The following PPM1H variants were observed in gnomAD, a reference collection of about 807,000 sequenced individuals.
PPM1H encodes the protein protein phosphatase 1H.
A neutral mutation model predicts 54.9 loss-of-function variants in PPM1H; 27 were observed. That is an observed-to-expected ratio of 0.49 (90% CI 0.36 to 0.68). PPM1H has a LOEUF of 0.68. Among genes scored for constraint, PPM1H ranks in the 30% least tolerant of loss-of-function variants. PPM1H has a pLI of 0.00. For missense variants in PPM1H, 596 were observed against 667.8 expected (o/e 0.89, Z 1.19); for synonymous variants, 305 against 270.8 (o/e 1.13, Z -1.24).
intron 9 of PPM1H, among the ~76,000 whole-genome samples, chr12:62,665,793 G>A (rs1565749480): frequency 6.6e-6 from 1 of 152,146 alleles, no homozygotes; most frequent in African/African-American, 2.4e-5. Flanking sequence ...CTGGAGTGCA[G>A]TGGTGTGATC....
chr12:62,838,920 CAAAAAAAAAAAAA>C lies in PPM1H; in HGVS notation c.246-6654_246-6642del, dbSNP rs71278269. On this transcript the variant is annotated intron_variant, in intron 1 of 9. Transcript: ENST00000228705. ...TGGGCGACAGAGCGAGACTCCGTCT[CAAAAAAAAAAAAA>C]AAAAAAAAAAAAAAAAAAGAATAAT... 4.2e-4 allele frequency among the ~76,000 whole-genome samples: 14 copies of C among 33,302 alleles called. 1 individual carries two copies. Among genetic ancestry groups the C allele is most frequent in the African/African-American group, 8.6e-4 (7 of 8,112 alleles). The allele number at this position is 33,302 out of a possible 152,430, so 21.8% of individuals were successfully genotyped here.
intron 1 of PPM1H, among the ~76,000 whole-genome samples, chr12:62,867,065 T>G (rs1165167590): frequency 6.6e-6 from 1 of 151,880 alleles, no homozygotes; most frequent in Non-Finnish European, 1.5e-5. Context: ...CCCAGAAAAA[T>G]GTACCAAAAA....
intron 5 of PPM1H, among the ~76,000 whole-genome samples, chr12:62,729,040 TTC>T (rs2076305763): frequency 1.3e-5 from 2 of 152,250 alleles, no homozygotes; most frequent in South Asian, 4.1e-4. Flanking sequence ...GACAAAGGAA[TTC>T]ATGCAACTAA....
At chr12:62,843,178 T>C (rs1266547837) in intron 1 of PPM1H, among the ~76,000 whole-genome samples, 2 of 152,070 alleles carry the variant, frequency 1.3e-5, no homozygotes, top group African/African-American at 4.8e-5. Flanking sequence ...TAACCAGGCA[T>C]GGTGGTGCGT....
At chr12:62,689,253 T>C (rs748773230) in intron 8 of PPM1H, among the ~76,000 whole-genome samples, 11 of 152,170 alleles carry the variant, frequency 7.2e-5, no homozygotes, top group Admixed American at 2.6e-4. Flanking sequence ...CCTAAGGTCA[T>C]GTAAGGGAAA....
intron 1 of PPM1H, among the ~76,000 whole-genome samples, chr12:62,916,765 C>G (rs1871638041): frequency 6.6e-6 from 1 of 151,948 alleles, no homozygotes; most frequent in Admixed American, 6.6e-5. Context: ...TAAATCAATC[C>G]TTGAAGAATA....
At chr12:62,677,029 C>T (rs956650583) in intron 8 of PPM1H, among the ~76,000 whole-genome samples, 1 of 152,140 alleles carries the variant, frequency 6.6e-6, no homozygotes, top group Non-Finnish European at 1.5e-5. Context: ...CTTCTGAAGC[C>T]TGTAAAAACC....
chr12:62,719,109 A>G (rs1410005971), intron 6 of PPM1H, among the ~76,000 whole-genome samples: 2 of 152,208 alleles, frequency 1.3e-5, no homozygotes, highest in Non-Finnish European at 2.9e-5. Flanking sequence ...TACAGGTGAG[A>G]AACTTCTCTT....
intron 6 of PPM1H, among the ~76,000 whole-genome samples, chr12:62,714,761 C>A (rs906792654): frequency 1.3e-5 from 2 of 152,156 alleles, no homozygotes; most frequent in Non-Finnish European, 2.9e-5. Flanking sequence ...GAAATGAGAC[C>A]ATCATAACGT....
At chr12:62,703,159 C>T (rs1252453663) in intron 6 of PPM1H, among the ~76,000 whole-genome samples, 3 of 152,180 alleles carry the variant, frequency 2.0e-5, no homozygotes, top group African/African-American at 7.2e-5. Flanking sequence ...AGACACAGCA[C>T]ATCCCCGTAG....
At chr12:62,658,832 A>G in intron 9 of PPM1H, 1 of 546,540 alleles carries the variant, frequency 1.8e-6, no homozygotes, top group Non-Finnish European at 3.4e-6. Context: ...GGCCAACTTC[A>G]GACTCCTTGT....
intron 4 of PPM1H, among the ~76,000 whole-genome samples, chr12:62,756,444 A>G (rs950811089): frequency 3.3e-5 from 5 of 152,158 alleles, no homozygotes; most frequent in Admixed American, 6.5e-5. Context: ...AAAAAAAAAA[A>G]AATTGTACAT....
chr12:62,818,244 G>A (rs2076882244), intron 2 of PPM1H, among the ~76,000 whole-genome samples: 1 of 152,070 alleles, frequency 6.6e-6, no homozygotes, highest in South Asian at 2.1e-4. Flanking sequence ...AAGTCACTTG[G>A]TACCCTCCTC....
intron 5 of PPM1H, chr12:62,720,617 G>T: frequency 4.0e-6 from 1 of 251,158 alleles, no homozygotes; most frequent in Non-Finnish European, 7.8e-6. Flanking sequence ...TGAGATACGG[G>T]GTGAGAAAGC....
intron 5 of PPM1H, among the ~76,000 whole-genome samples, chr12:62,721,302 T>C (rs1317759818): frequency 6.6e-6 from 1 of 152,190 alleles, no homozygotes; most frequent in Admixed American, 6.5e-5. Context: ...AGTCATCCAA[T>C]GCTAAGTTTT....
At chr12:62,891,586 T>C (rs1369030367) in intron 1 of PPM1H, among the ~76,000 whole-genome samples, 2 of 152,244 alleles carry the variant, frequency 1.3e-5, no homozygotes, top group African/African-American at 4.8e-5. Flanking sequence ...CACTATTGTC[T>C]CTGGGACATT....
intron 4 of PPM1H, among the ~76,000 whole-genome samples, chr12:62,765,513 T>C (rs908749779): frequency 2.6e-5 from 4 of 152,146 alleles, no homozygotes; most frequent in African/African-American, 9.7e-5. Flanking sequence ...ATACTATACA[T>C]AATCAATTTT....
At chr12:62,884,519 G>GAA (rs1405750801) in intron 1 of PPM1H, among the ~76,000 whole-genome samples, 1 of 118,264 alleles carries the variant, frequency 8.5e-6, no homozygotes, top group Non-Finnish European at 1.7e-5. Context: ...AAAAAAAAAA[G>GAA]AAAGAAAGAA....
At chr12:62,699,862 A>G (rs187976661) in intron 6 of PPM1H, among the ~76,000 whole-genome samples, 49 of 152,346 alleles carry the variant, frequency 3.2e-4, no homozygotes, top group East Asian at 2.1e-3. Context: ...CCCAACAAGA[A>G]CAGATTACTA....
Sources: gnomAD v4.1 joint callset for allele counts (sites outside exome capture counted in the v4.1 genomes callset) on GRCh38, gnomAD v4.1.1 for gene constraint, MANE v1.5 for transcripts, NCBI Gene and HGNC (gene_info 2026-07-23, HGNC 2026-07-21) for gene names.